EFCAB8: variants seen among roughly 807,000 people sequenced by gnomAD.
EFCAB8 encodes EF-hand calcium-binding domain-containing protein 8.
A neutral mutation model predicts 116.3 loss-of-function variants in EFCAB8; 100 were observed. That is an observed-to-expected ratio of 0.86 (90% CI 0.73 to 1.02). EFCAB8 has a LOEUF of 1.02. Among genes scored for constraint, EFCAB8 ranks in the 50% least tolerant of loss-of-function variants. The pLI, the probability that EFCAB8 is intolerant of heterozygous loss-of-function variation, is 0.00. For missense variants in EFCAB8, 1,320 were observed against 1,416.9 expected (o/e 0.93, Z 1.10); for synonymous variants, 558 against 567.9 (o/e 0.98, Z 0.25).
chr20:32,923,828 T>A (rs1987563159), intron 20 of EFCAB8, among the ~76,000 whole-genome samples: 1 of 152,156 alleles, frequency 6.6e-6, no homozygotes, highest in South Asian at 2.1e-4. Context: ...CTGCACAGAG[T>A]CTGTATAGCT....
chr20:32,893,662 C>T (rs562702687), intron 9 of EFCAB8, among the ~76,000 whole-genome samples: 28 of 152,166 alleles, frequency 1.8e-4, no homozygotes, highest in South Asian at 1.2e-3. Flanking sequence ...CTAACTTCCT[C>T]GGATGGTGGC....
chr20:32,933,949 C>T (rs1988007621), intron 22 of EFCAB8, among the ~76,000 whole-genome samples: 1 of 152,164 alleles, frequency 6.6e-6, no homozygotes, highest in African/African-American at 2.4e-5. Context: ...TGCACTTCAG[C>T]CTGGGCAACA....
chr20:32,901,663 T>A (rs992708432), intron 11 of EFCAB8, among the ~76,000 whole-genome samples: 1 of 152,218 alleles, frequency 6.6e-6, no homozygotes, highest in African/African-American at 2.4e-5. Flanking sequence ...CTGTCTGTGG[T>A]ATGCTCTTGT....
intron 3 of EFCAB8, among the ~76,000 whole-genome samples, chr20:32,874,813 C>T (rs1336415478): frequency 6.6e-6 from 1 of 151,926 alleles, no homozygotes; most frequent in Non-Finnish European, 1.5e-5. Context: ...TTGGTGTGAT[C>T]TCGGCTCACT....
intron 5 of EFCAB8, among the ~76,000 whole-genome samples, chr20:32,883,488 C>T (rs531821413): frequency 2.0e-5 from 3 of 152,288 alleles, no homozygotes; most frequent in South Asian, 4.1e-4. Flanking sequence ...TGTAGCATGT[C>T]CAGTTCATAT....
At position 32,906,902 on chromosome 20, in the gene EFCAB8, G is replaced by A. The variant is rs762232581; in HGVS notation, c.1216G>A (p.Val406Met). ...LWNPFVSKRP[V>M]WLMKGHQTSV... ...GAACCCCTTTGTCTCAAAGAGGCCC[G>A]TGTGGCTGATGAAGGGACACCAGAC... is the stretch of plus-strand genomic sequence containing the variant. The change falls in exon 13 of 27, where the codon GTG becomes ATG. Residue 406 changes from valine to methionine, a missense_variant. Coordinates refer to ENST00000400522, the MANE Select transcript of EFCAB8 (RefSeq NM_001143967.2). 5.4e-5 allele frequency: 84 copies of A among 1,551,290 alleles called. No homozygotes were observed. Among genetic ancestry groups the A allele is most frequent in the East Asian group, 4.9e-4 (20 of 40,924 alleles).
chr20:32,954,068 A>C (rs1177472855), intron 23 of EFCAB8, among the ~76,000 whole-genome samples: 1 of 152,140 alleles, frequency 6.6e-6, no homozygotes, highest in African/African-American at 2.4e-5. Flanking sequence ...AGCCTCCCAA[A>C]GTGCTGGGAT....
chr20:32,960,912 G>A (rs952798942), intron 26 of EFCAB8, among the ~76,000 whole-genome samples: 1 of 152,226 alleles, frequency 6.6e-6, no homozygotes, highest in Non-Finnish European at 1.5e-5. Flanking sequence ...TGCCACAAGC[G>A]CCGTAACTGG....
At chr20:32,904,636 G>A (rs7362756) in intron 11 of EFCAB8, among the ~76,000 whole-genome samples, 1 of 141,478 alleles carries the variant, frequency 7.1e-6, no homozygotes, top group East Asian at 2.1e-4. Context: ...AGGCGGTGGC[G>A]GGGTGGGGGT....
intron 10 of EFCAB8, among the ~76,000 whole-genome samples, chr20:32,898,002 G>A (rs1175243822): frequency 6.6e-6 from 1 of 152,162 alleles, no homozygotes; most frequent in Non-Finnish European, 1.5e-5. Flanking sequence ...CAGCCCCTTC[G>A]ACTGCGCGTC....
At chr20:32,898,268 G>A (rs1986259607) in intron 10 of EFCAB8, 1 of 479,808 alleles carries the variant, frequency 2.1e-6, no homozygotes, top group African/African-American at 1.9e-5. Flanking sequence ...ATGAAAGTAG[G>A]CTTGTGTGCT....
At position 32,920,147 on chromosome 20, in the gene EFCAB8, G is replaced by A; in HGVS notation, c.2344G>A (p.Glu782Lys). ...KIHSKQSIYK[E>K]DETRKGEWQK... ...CCACAGCAAACAGTCCATTTACAAA[G>A]AGGATGAAACGAGAAAAGGAGAATG... The change falls in exon 20 of 27, where the codon GAG (glutamate) becomes AAG (lysine). Residue 782 changes from glutamate to lysine, a missense_variant. Glu to Lys is a moderately conservative substitution (Grantham distance 56). Transcript: ENST00000400522. 2 of 1,551,744 alleles carry A rather than the reference G, an allele frequency of 1.3e-6. No individual in the cohort carries two copies. The highest frequency in any genetic ancestry group is 1.7e-6 in the Non-Finnish European group (2 of 1,147,004).
intron 10 of EFCAB8, among the ~76,000 whole-genome samples, chr20:32,897,320 G>A (rs1242926774): frequency 6.6e-6 from 1 of 152,118 alleles, no homozygotes; most frequent in Non-Finnish European, 1.5e-5. Context: ...GCTCTCGGTT[G>A]TCTCCAGTGC....
intron 17 of EFCAB8, among the ~76,000 whole-genome samples, chr20:32,914,996 C>T (rs1008171204): frequency 1.3e-5 from 2 of 152,044 alleles, no homozygotes; most frequent in Non-Finnish European, 2.9e-5. Context: ...CTCCTAGGCT[C>T]AAGAGATCCT....
At chr20:32,899,503 C>G (rs1043173004) in intron 11 of EFCAB8, among the ~76,000 whole-genome samples, 4 of 152,098 alleles carry the variant, frequency 2.6e-5, no homozygotes, top group African/African-American at 9.7e-5. Context: ...AGGTTGGAGT[C>G]CTGAGGGGCC....
At chr20:32,944,229 C>T (rs1180728085) in intron 23 of EFCAB8, among the ~76,000 whole-genome samples, 1 of 152,094 alleles carries the variant, frequency 6.6e-6, no homozygotes, top group Non-Finnish European at 1.5e-5. Context: ...AATCCCAACA[C>T]TTTTTTGTCC....
chr20:32,921,520 C>A (rs1987454171), intron 20 of EFCAB8, among the ~76,000 whole-genome samples: 1 of 151,762 alleles, frequency 6.6e-6, no homozygotes, highest in Non-Finnish European at 1.5e-5. Flanking sequence ...CCAGCCTCTT[C>A]CTTCTCTTTA....
At chr20:32,884,485 T>TACCCAGAGCCATGG (rs1420768686) in intron 5 of EFCAB8, among the ~76,000 whole-genome samples, 5 of 152,166 alleles carry the variant, frequency 3.3e-5, no homozygotes, top group African/African-American at 1.2e-4. Context: ...CATCACAATC[T>TACCCAGAGCCATGG]ACCCAGAGCC....
intron 3 of EFCAB8, among the ~76,000 whole-genome samples, chr20:32,871,965 G>T (rs1984704863): frequency 6.6e-6 from 1 of 152,180 alleles, no homozygotes; most frequent in South Asian, 2.1e-4. Context: ...AGGCCGCAGG[G>T]CTCATGGCCT....
Sources: allele counts gnomAD v4.1 joint callset (sites outside exome capture counted in the v4.1 genomes callset), GRCh38; gene constraint gnomAD v4.1.1; transcripts MANE v1.5; gene names NCBI Gene and HGNC (gene_info 2026-07-23, HGNC 2026-07-21).